The following NUP155 variants were observed in gnomAD, a reference collection of about 807,000 sequenced individuals.
NUP155 encodes the protein nuclear pore complex protein Nup155.
Under a neutral mutation model 180.4 loss-of-function variants are expected in NUP155, and 71 were observed. The ratio of observed to expected loss-of-function variants is 0.39; its 90% CI spans 0.33 to 0.48. The LOEUF (loss-of-function observed/expected upper bound fraction) is 0.48. Among genes scored for constraint, NUP155 ranks in the 20% least tolerant of loss-of-function variants. The pLI is 0.91. For synonymous variants in NUP155, 582 were observed against 559.5 expected (o/e 1.04, Z -0.57); for missense variants, 1,553 against 1,648.9 (o/e 0.94, Z 1.01).
chr5:37,294,598 T>A (rs896770325), intron 32 of NUP155, 133 bp from the exon 33 acceptor site: 26 of 716,512 alleles, frequency 3.6e-5, no homozygotes, highest in East Asian at 6.3e-5. Context: ...GGGCGGGGGG[T>A]TTTTTTTGCT....
chr5:37,323,704 T>C (rs1300995750), intron 20 of NUP155, among the ~76,000 whole-genome samples: 1 of 150,574 alleles, frequency 6.6e-6, no homozygotes, highest in Non-Finnish European at 1.5e-5. Flanking sequence ...TTTATATAAA[T>C]AGTCAGAAAA....
chr5:37,335,830 T>C (rs1745294622), intron 12 of NUP155, among the ~76,000 whole-genome samples: 2 of 152,014 alleles, frequency 1.3e-5, no homozygotes, highest in South Asian at 4.2e-4. Context: ...CATGTGCCTG[T>C]AGTCCCAGCT....
At chr5:37,305,268 A>G (rs1743089506) in intron 25 of NUP155, 58 bp from the exon 26 acceptor site, 4 of 1,485,236 alleles carry the variant, frequency 2.7e-6, no homozygotes, top group Non-Finnish European at 3.8e-6. Flanking sequence ...AAATGATGGT[A>G]AGTGTGGTGA....
At chr5:37,351,055 A>G (rs1581199345) in intron 6 of NUP155, 135 bp downstream of exon 6, 3 of 752,260 alleles carry the variant, frequency 4.0e-6, no homozygotes, top group East Asian at 5.5e-5. Context: ...TGGGGACTAC[A>G]GCTTCAACTG....
intron 2 of NUP155, 121 bp downstream of exon 2, chr5:37,364,126 G>A (rs998422966): frequency 8.9e-6 from 10 of 1,121,876 alleles, no homozygotes; most frequent in East Asian, 2.6e-5. Context: ...ATACTTAAAC[G>A]AATTTTAAAT....
chr5:37,347,006 T>C lies in NUP155; in HGVS notation c.995+1499A>G, dbSNP rs578164509. On this transcript the variant is annotated intron_variant, in intron 9 of 34. Coordinates refer to ENST00000231498, the MANE Select transcript of NUP155 (RefSeq NM_153485.3). ...ACTTTGGGAGGCCAGAGCGGGTGTA[T>C]TGCTTGAGTCCAGGAGTTCAAGACC... Among the ~76,000 whole-genome samples the C allele has an allele frequency of 4.3e-4, 65 of 152,168 alleles. 1 individual carries two copies. Among genetic ancestry groups the C allele is most frequent in the Admixed American group, 1.0e-3 (16 of 15,280 alleles).
At chr5:37,356,781 T>C (rs1746856704) in intron 4 of NUP155, among the ~76,000 whole-genome samples, 1 of 152,138 alleles carries the variant, frequency 6.6e-6, no homozygotes, top group South Asian at 2.1e-4. Flanking sequence ...TTTCTAAGAT[T>C]TACTCTAAAC....
intron 4 of NUP155, among the ~76,000 whole-genome samples, chr5:37,357,719 C>T (rs1028806417): frequency 5.3e-5 from 8 of 152,090 alleles, no homozygotes; most frequent in African/African-American, 1.7e-4. Flanking sequence ...GTCAGCCAGG[C>T]GCGGTGGCTT....
At chr5:37,336,136 A>AG (rs1271820815) in intron 12 of NUP155, among the ~76,000 whole-genome samples, 1 of 152,200 alleles carries the variant, frequency 6.6e-6, no homozygotes, top group Non-Finnish European at 1.5e-5. Context: ...CCTTTGTTTG[A>AG]GAAAAACTCA....
chr5:37,295,316 C>G (rs569496465), intron 32 of NUP155, among the ~76,000 whole-genome samples: 2 of 152,166 alleles, frequency 1.3e-5, no homozygotes, highest in African/African-American at 4.8e-5. Context: ...CCAGAGGTGC[C>G]GGGATTGCAG....
chr5:37,355,016 C>T (rs1303067093), intron 4 of NUP155, among the ~76,000 whole-genome samples: 3 of 151,442 alleles, frequency 2.0e-5, no homozygotes, highest in African/African-American at 7.3e-5. Context: ...CGCTTGAACC[C>T]GGGAGGCGGA....
intron 31 of NUP155, 30 bp from the exon 32 acceptor site, chr5:37,299,008 C>A (rs932214271): frequency 1.6e-6 from 2 of 1,255,574 alleles, no homozygotes; most frequent in African/African-American, 3.0e-5. Flanking sequence ...CATTTGAAAC[C>A]CAAATTACTT....
intron 31 of NUP155, 151 bp downstream of exon 31, chr5:37,299,297 T>C: frequency 1.2e-6 from 1 of 832,626 alleles, no homozygotes; most frequent in Non-Finnish European, 2.0e-6. Flanking sequence ...TCCTCCACCA[T>C]ACCCAGGTGA....
In NUP155 at chr5:37,352,730, G is replaced by A. The variant is rs764342230; in HGVS notation, c.556+7C>T. The A allele has an allele frequency of 2.5e-6, 4 of 1,593,176 alleles. No individual in the cohort carries two copies. The highest frequency in any genetic ancestry group is 3.4e-6 in the Non-Finnish European group (4 of 1,161,164). On this transcript the variant is annotated splice_region_variant and intron_variant, in intron 5 of 34. Transcript: ENST00000231498. ...TTTAAAAAACGTTAACATGTGGGTTGCCATACCTGTTTGCAAATTAGCATA... is the reference window on the plus strand; with the variant it reads ...TTTAAAAAACGTTAACATGTGGGTTACCATACCTGTTTGCAAATTAGCATA...
rs530969071 is a variant in NUP155, at chr5:37,298,661, A to C, written c.3793+207T>G. 1.4e-4 allele frequency among the ~76,000 whole-genome samples: 21 copies of C among 152,318 alleles called. No homozygotes were observed. In the South Asian group the frequency reaches 4.3e-3, roughly 32 times the overall value. ...CTAAGACAGGTAATATAAACTTGGA[A>C]AGTTAGTCACAGAAAGTTTCATACT... is the stretch of plus-strand genomic sequence containing the variant. On this transcript the variant is annotated intron_variant, in intron 32 of 34. Coordinates refer to ENST00000231498, the MANE Select transcript of NUP155 (RefSeq NM_153485.3).
At chr5:37,353,735 A>G (rs1363522537) in intron 4 of NUP155, among the ~76,000 whole-genome samples, 2 of 152,236 alleles carry the variant, frequency 1.3e-5, no homozygotes, top group Non-Finnish European at 2.9e-5. Flanking sequence ...GGAAACCTAG[A>G]ATAGTCAAAT....
Position 37,304,755 on chromosome 5 carries a change from G to T in NUP155, c.3146C>A (p.Ala1049Glu). 1 of 1,609,682 alleles carries T rather than the reference G, an allele frequency of 6.2e-7. No homozygotes were observed. The highest frequency in any genetic ancestry group is 8.5e-7 in the Non-Finnish European group (1 of 1,176,200). Residue 1049 changes from alanine to glutamate, a missense_variant, in exon 27 of 35, where the codon GCA (alanine) becomes GAA (glutamate). Ala to Glu is a moderately radical substitution (Grantham distance 107). Coordinates refer to ENST00000231498, the MANE Select transcript of NUP155 (RefSeq NM_153485.3). Reference sequence around the variant, plus strand: ...AAGATTTACCTGTAGCAGCTTATCTGCAAGGTCGACTTGTATTAGCCAATT... The same window carrying T: ...AAGATTTACCTGTAGCAGCTTATCTTCAAGGTCGACTTGTATTAGCCAATT... Reference protein sequence around the residue: ...LYNWLIQVDLADKLLQVASPF... With the variant: ...LYNWLIQVDLEDKLLQVASPF...
In NUP155 at chr5:37,348,553, G is replaced by C. The variant is rs940695791; in HGVS notation, c.947C>G (p.Ala316Gly). Reference sequence around the variant, plus strand: ...GACAATGGCATTCTGTGACACAGAGGCAACTCTGCTCATTCCTTGTCCATC... The same window carrying C: ...GACAATGGCATTCTGTGACACAGAGCCAACTCTGCTCATTCCTTGTCCATC... The part of the protein sequence containing the change: ...GQDGQGMSRV[A>G]SVSQNAIVSA... Residue 316 changes from alanine to glycine, a missense_variant, in exon 9 of 35, where the codon GCC becomes GGC. Coordinates refer to ENST00000231498, the MANE Select transcript of NUP155 (RefSeq NM_153485.3). The C allele has an allele frequency of 1.2e-5, 20 of 1,612,836 alleles. No individual in the cohort carries two copies. The Middle Eastern group carries it at 4.9e-4, about 40-fold the overall frequency.
At chr5:37,354,879 G>A (rs897818671) in intron 4 of NUP155, among the ~76,000 whole-genome samples, 2 of 152,028 alleles carry the variant, frequency 1.3e-5, no homozygotes, top group African/African-American at 4.8e-5. Flanking sequence ...ATCACTTGAG[G>A]TCAGGAGTTC....
Sources: allele counts gnomAD v4.1 joint callset (sites outside exome capture counted in the v4.1 genomes callset), GRCh38; gene constraint gnomAD v4.1.1; transcripts MANE v1.5; gene names NCBI Gene and HGNC (gene_info 2026-07-23, HGNC 2026-07-21).